SCLT1: variants seen among roughly 807,000 people sequenced by gnomAD.
SCLT1 encodes sodium channel and clathrin linker 1.
In SCLT1, 78 loss-of-function variants were observed where a neutral mutation model predicts 112.8. The observed-to-expected ratio is 0.69, with a 90% CI of 0.58 to 0.83. The LOEUF (loss-of-function observed/expected upper bound fraction) is 0.83, where lower values mean the gene tolerates loss of function less well. SCLT1 is among the 40% of genes least tolerant of loss of function. The probability of loss-of-function intolerance (pLI) is 0.00; values close to 1 mark genes in which losing one functional copy is unlikely to be tolerated. For synonymous variants in SCLT1, 257 were observed against 254.7 expected, an observed-to-expected ratio of 1.01 and a Z score of -0.09; for missense variants, 747 against 770.4, an observed-to-expected ratio of 0.97 and a Z score of 0.36.
At chr4:128,952,889 T>C in intron 13 of SCLT1, 49 bp from the exon 14 acceptor site, 1 of 903,796 alleles carries the variant, frequency 1.1e-6, no homozygotes, top group Non-Finnish European at 1.8e-6. Flanking sequence ...ATAAAAATGA[T>C]TAATATCTGA....
chr4:129,002,843 A>C (rs1192156521), intron 6 of SCLT1, among the ~76,000 whole-genome samples: 1 of 152,206 alleles, frequency 6.6e-6, no homozygotes, highest in African/African-American at 2.4e-5. Context: ...GTGGGAGTGT[A>C]AATTAGCTCA....
chr4:128,921,293 C>CA (rs746160253), intron 18 of SCLT1, among the ~76,000 whole-genome samples: 52 of 151,722 alleles, frequency 3.4e-4, no homozygotes, highest in African/African-American at 8.7e-4. Flanking sequence ...CAGAATTAGA[C>CA]CAAAAAAACT....
In SCLT1 at chr4:128,965,183, C is replaced by T. The variant is rs2126023362; in HGVS notation, c.869+44G>A. On this transcript the variant is annotated intron_variant, in intron 11 of 20. Transcript: ENST00000281142. ...ACACTGAAACTCTATTGTAAAATAT[C>T]TTTTAAAGCATATCAACAAAGCTAG... 7.2e-6 allele frequency: 7 copies of T among 972,938 alleles called. No homozygotes were observed. In the East Asian group the frequency reaches 1.7e-4, roughly 23 times the overall value. 60.3% of individuals were successfully genotyped at this position (972,938 alleles called of 1,614,324 possible).
At chr4:129,023,035 C>T (rs887828620) in intron 5 of SCLT1, among the ~76,000 whole-genome samples, 1 of 152,082 alleles carries the variant, frequency 6.6e-6, no homozygotes, top group African/African-American at 2.4e-5. Flanking sequence ...AATTTCATAC[C>T]CAGCCAAACT....
At chr4:129,040,296 T>G (rs1424408392) in intron 4 of SCLT1, 4 of 670,028 alleles carry the variant, frequency 6.0e-6, no homozygotes, top group South Asian at 3.1e-5. Flanking sequence ...CAGTGAGAGA[T>G]AAAATTGGAA....
intron 5 of SCLT1, among the ~76,000 whole-genome samples, chr4:129,034,048 T>C (rs1376154623): frequency 6.6e-6 from 1 of 152,122 alleles, no homozygotes; most frequent in Non-Finnish European, 1.5e-5. Context: ...ATCCCAGAAA[T>C]TTCTTTTCTC....
chr4:128,911,182 C>T (rs1186889137), intron 18 of SCLT1, among the ~76,000 whole-genome samples: 1 of 152,076 alleles, frequency 6.6e-6, no homozygotes, highest in African/African-American at 2.4e-5. Context: ...AGGAGAATCG[C>T]TTGAATCTGG....
chr4:129,072,556 C>T (rs1466558555), intron 2 of SCLT1, among the ~76,000 whole-genome samples: 2 of 152,058 alleles, frequency 1.3e-5, no homozygotes, highest in Non-Finnish European at 2.9e-5. Flanking sequence ...TGTCTTTGAG[C>T]TCTGAATTTC....
At chr4:128,980,351 T>C (rs1248788771) in intron 9 of SCLT1, among the ~76,000 whole-genome samples, 3 of 151,506 alleles carry the variant, frequency 2.0e-5, no homozygotes, top group African/African-American at 7.2e-5. Context: ...TAAGATAGTA[T>C]ATAAAAATTA....
intron 6 of SCLT1, among the ~76,000 whole-genome samples, chr4:129,001,430 T>G (rs1255709242): frequency 2.6e-5 from 4 of 152,094 alleles, no homozygotes. Context: ...TGGTACAACT[T>G]ACTATTTGGA....
intron 9 of SCLT1, among the ~76,000 whole-genome samples, chr4:128,985,959 C>A (rs1012919910): frequency 6.6e-6 from 1 of 152,084 alleles, no homozygotes; most frequent in Non-Finnish European, 1.5e-5. Context: ...CAACCATTCC[C>A]CTGCAAAAAT....
chr4:129,004,542 T>G (rs1743824927), intron 5 of SCLT1, among the ~76,000 whole-genome samples: 1 of 152,180 alleles, frequency 6.6e-6, no homozygotes, highest in East Asian at 1.9e-4. Flanking sequence ...AGAATGATTG[T>G]TTTAATTTAA....
At chr4:128,961,498 A>C (rs1327529285) in intron 11 of SCLT1, among the ~76,000 whole-genome samples, 1 of 151,904 alleles carries the variant, frequency 6.6e-6, no homozygotes, top group Non-Finnish European at 1.5e-5. Context: ...ATATTTTATA[A>C]TTTTCTTTGT....
chr4:128,949,198 T>C (rs1476432004), intron 14 of SCLT1, among the ~76,000 whole-genome samples: 3 of 150,146 alleles, frequency 2.0e-5, no homozygotes, highest in Non-Finnish European at 4.4e-5. Context: ...TTCTGGAGAA[T>C]GGGTAATGTG....
intron 5 of SCLT1, among the ~76,000 whole-genome samples, chr4:129,010,759 T>C (rs1744447542): frequency 6.6e-6 from 1 of 152,220 alleles, no homozygotes; most frequent in South Asian, 2.1e-4. Flanking sequence ...TAGTAATTTT[T>C]ACACATTGAT....
rs183687973 is a variant in SCLT1, at chr4:128,930,139, G to T, written c.1829+6516C>A. Reference sequence around the variant, plus strand: ...TCACTTCTAATGAATAGAAAAATGTGACTTAGGAGACTAGGTCACAAAAAG... The same window carrying T: ...TCACTTCTAATGAATAGAAAAATGTTACTTAGGAGACTAGGTCACAAAAAG... On this transcript the variant is annotated intron_variant, in intron 18 of 20. Transcript: ENST00000281142. Among the ~76,000 whole-genome samples, 10 of 152,254 alleles carry T rather than the reference G, an allele frequency of 6.6e-5. No individual in the cohort carries two copies. The East Asian group carries it at 1.9e-3, about 29-fold the overall frequency.
intron 5 of SCLT1, among the ~76,000 whole-genome samples, chr4:129,013,777 AT>A (rs1331727797): frequency 1.3e-5 from 2 of 152,140 alleles, no homozygotes; most frequent in African/African-American, 4.8e-5. Flanking sequence ...TCTGATGATT[AT>A]GTGTCTTGCG....
chr4:129,043,055 G>C lies in SCLT1; in HGVS notation c.234+340C>G, dbSNP rs145864243. 1.4e-4 allele frequency among the ~76,000 whole-genome samples: 22 copies of C among 152,040 alleles called. No individual in the cohort carries two copies. The East Asian group carries it at 4.3e-3, about 30-fold the overall frequency. ...GCCACTGCATTCCAGCCTGGCGACAGAGTGAGATTCCATCTCAAAAAAAAG... is the reference window on the plus strand; with the variant it reads ...GCCACTGCATTCCAGCCTGGCGACACAGTGAGATTCCATCTCAAAAAAAAG... On this transcript the variant is annotated intron_variant, in intron 4 of 20. Transcript: ENST00000281142.
chr4:129,025,423 C>T (rs1028726175), intron 5 of SCLT1, among the ~76,000 whole-genome samples: 1 of 152,114 alleles, frequency 6.6e-6, no homozygotes, highest in Admixed American at 6.5e-5. Flanking sequence ...GAATTTTCAA[C>T]CCAGAATTTC....
Sources: allele counts gnomAD v4.1 joint callset (sites outside exome capture counted in the v4.1 genomes callset), GRCh38; gene constraint gnomAD v4.1.1; transcripts MANE v1.5; gene names NCBI Gene and HGNC (gene_info 2026-07-23, HGNC 2026-07-21).